The following EYA1 variants were observed in gnomAD, a reference collection of about 807,000 sequenced individuals.
EYA1 encodes the protein EYA transcriptional coactivator and phosphatase 1.
In EYA1, 16 loss-of-function variants were observed where a neutral mutation model predicts 82.0. That is an observed-to-expected ratio of 0.20 (90% CI 0.13 to 0.30). The LOEUF is 0.30. Among genes scored for constraint, EYA1 ranks in the 10% least tolerant of loss-of-function variants. EYA1 has a pLI of 1.00. For missense variants in EYA1, 633 were observed against 730.7 expected, an observed-to-expected ratio of 0.87 and a Z score of 1.54; for synonymous variants, 261 against 264.4, an observed-to-expected ratio of 0.99 and a Z score of 0.12.
At chr8:71,270,886 G>A (rs1441517386) in intron 10 of EYA1, among the ~76,000 whole-genome samples, 2 of 152,122 alleles carry the variant, frequency 1.3e-5, no homozygotes, top group Non-Finnish European at 2.9e-5. Flanking sequence ...TTGGGAGGCC[G>A]AGGTGGGTGG....
intron 2 of EYA1, among the ~76,000 whole-genome samples, chr8:71,454,476 GCAC>G (rs1208608223): frequency 6.6e-6 from 1 of 152,166 alleles, no homozygotes; most frequent in Non-Finnish European, 1.5e-5. Flanking sequence ...ATTCTTCTCA[GCAC>G]CACATCACAC....
At chr8:71,406,434 G>C (rs193271468) in intron 2 of EYA1, among the ~76,000 whole-genome samples, 1 of 152,356 alleles carries the variant, frequency 6.6e-6, no homozygotes, top group African/African-American at 2.4e-5. Context: ...GCAGAAGACA[G>C]GTGATTTCTG....
intron 2 of EYA1, among the ~76,000 whole-genome samples, chr8:71,400,423 G>T (rs1444898371): frequency 6.6e-6 from 1 of 151,822 alleles, no homozygotes; most frequent in Non-Finnish European, 1.5e-5. Flanking sequence ...TATCCAGAAG[G>T]TACAAGGAAC....
rs554780813 is a variant in EYA1 at position 71,523,493 on chromosome 8, T to A, written c.33+12251A>T. On this transcript the variant is annotated intron_variant, in intron 2 of 18. Coordinates refer to the EYA1 transcript ENST00000643681. ...GCGCCCGGCCAAAAATCTATTCAGCTCTTATTGGCAGTGAAGGTGAAAGCC... is the reference window on the plus strand; with the variant it reads ...GCGCCCGGCCAAAAATCTATTCAGCACTTATTGGCAGTGAAGGTGAAAGCC... Among the ~76,000 whole-genome samples, 20 of 152,274 alleles carry A rather than the reference T, an allele frequency of 1.3e-4. No individual in the cohort carries two copies. The South Asian group carries it at 4.1e-3, about 32-fold the overall frequency.
rs1001239463 is a variant in EYA1, at chr8:71,354,999, A to G, written c.-4-90T>C. ...TAATGACTTGACACCTTTGAAACAC[A>G]CTTGCACAAAAGTCCCATTGTATCT... On this transcript the variant is annotated intron_variant, in intron 2 of 17. Transcript: ENST00000340726. 5.4e-6 allele frequency: 7 copies of G among 1,303,250 alleles called. No individual in the cohort carries two copies. The African/African-American group carries it at 1.0e-4, about 19-fold the overall frequency. The allele number at this position is 1,303,250 out of a possible 1,614,324, so 80.7% of individuals were successfully genotyped here.
intron 4 of EYA1, among the ~76,000 whole-genome samples, chr8:71,330,667 C>T (rs761304779): frequency 6.2e-4 from 94 of 152,298 alleles, no homozygotes; most frequent in Non-Finnish European, 1.1e-3. Context: ...CCAGCAGGGA[C>T]AAGGATAAAG....
intron 2 of EYA1, among the ~76,000 whole-genome samples, chr8:71,438,505 A>G (rs923391037): frequency 5.3e-5 from 8 of 152,156 alleles, no homozygotes; most frequent in Admixed American, 4.6e-4. Flanking sequence ...GATTTCGTAG[A>G]AGAATTACAG....
At chr8:71,244,726 AT>A in intron 11 of EYA1, 34 bp from the exon 12 acceptor site, 2 of 1,243,822 alleles carry the variant, frequency 1.6e-6, no homozygotes, top group Non-Finnish European at 2.4e-6. Context: ...AAGAACATGT[AT>A]ACTTCAGGTT....
At chr8:71,308,912 C>T (rs1270681403) in intron 7 of EYA1, among the ~76,000 whole-genome samples, 1 of 152,118 alleles carries the variant, frequency 6.6e-6, no homozygotes, top group Non-Finnish European at 1.5e-5. Flanking sequence ...CGTGTATTTT[C>T]ACAGAAGTCC....
chr8:71,421,166 G>T (rs1831128170), intron 2 of EYA1, among the ~76,000 whole-genome samples: 1 of 152,122 alleles, frequency 6.6e-6, no homozygotes, highest in Non-Finnish European at 1.5e-5. Flanking sequence ...TTTCATCAGG[G>T]ATAAAAAGAT....
At chr8:71,338,338 G>A (rs1159772532) in intron 3 of EYA1, among the ~76,000 whole-genome samples, 1 of 152,202 alleles carries the variant, frequency 6.6e-6, no homozygotes, top group Non-Finnish European at 1.5e-5. Flanking sequence ...GAAGAAACAG[G>A]CTAATAGAAG....
At chr8:71,509,980 G>T (rs970984530) in intron 2 of EYA1, among the ~76,000 whole-genome samples, 2 of 151,426 alleles carry the variant, frequency 1.3e-5, no homozygotes, top group Non-Finnish European at 2.9e-5. Flanking sequence ...GATGGTAATG[G>T]TATTTTTAGA....
rs1236662288 is a variant in EYA1, at chr8:71,407,913, G to A, written c.34-51402C>T. Among the ~76,000 whole-genome samples the A allele has an allele frequency of 6.4e-3, 946 of 147,638 alleles. 5 individuals are homozygous for A. The highest frequency in any genetic ancestry group is 0.016 in the African/African-American group (635 of 39,898). ...CTTGAGAAGAGCAACTCCAAGACACGTAATTGTCAGATTCACCAAAGTTGA... is the reference window on the plus strand; with the variant it reads ...CTTGAGAAGAGCAACTCCAAGACACATAATTGTCAGATTCACCAAAGTTGA... On this transcript the variant is annotated intron_variant, in intron 2 of 18. Transcript: ENST00000643681.
chr8:71,525,151 A>G (rs1479937116), intron 2 of EYA1, among the ~76,000 whole-genome samples: 1 of 152,224 alleles, frequency 6.6e-6, no homozygotes, highest in African/African-American at 2.4e-5. Flanking sequence ...CTTGGGCAGC[A>G]GCTGAGTCAG....
intron 11 of EYA1, among the ~76,000 whole-genome samples, chr8:71,266,279 T>C (rs1488176098): frequency 1.3e-5 from 2 of 152,144 alleles, no homozygotes; most frequent in Non-Finnish European, 2.9e-5. Flanking sequence ...AAAAGAAGTC[T>C]TGTCACTGAA....
At chr8:71,444,138 C>T (rs563008182) in intron 2 of EYA1, among the ~76,000 whole-genome samples, 1 of 152,298 alleles carries the variant, frequency 6.6e-6, no homozygotes, top group East Asian at 1.9e-4. Flanking sequence ...GCACAGATAA[C>T]CTCTATCCAA....
rs527820538 is a variant in EYA1, at chr8:71,354,169, A to G, written c.124+613T>C. Among the ~76,000 whole-genome samples the G allele has an allele frequency of 6.6e-5, 10 of 152,236 alleles. No individual in the cohort carries two copies. The South Asian group carries it at 2.1e-3, about 32-fold the overall frequency. On this transcript the variant is annotated intron_variant, in intron 3 of 17. Coordinates refer to ENST00000340726, the MANE Select transcript of EYA1 (RefSeq NM_000503.6). ...TCATATGTATTAATTACACAGAAAT[A>G]ATTGTAATTGTTCTACATTTAAAGT...
At chr8:71,301,746 G>C (rs1393615073) in intron 7 of EYA1, among the ~76,000 whole-genome samples, 1 of 152,118 alleles carries the variant, frequency 6.6e-6, no homozygotes, top group African/African-American at 2.4e-5. Flanking sequence ...ACCACAATTA[G>C]CCATCAATAG....
intron 9 of EYA1, among the ~76,000 whole-genome samples, chr8:71,289,329 T>C (rs1320342408): frequency 6.6e-6 from 1 of 152,226 alleles, no homozygotes; most frequent in African/African-American, 2.4e-5. Flanking sequence ...CAGTGAATAC[T>C]TATGACATAA....
Sources: gnomAD v4.1 joint callset for allele counts (sites outside exome capture counted in the v4.1 genomes callset) on GRCh38, gnomAD v4.1.1 for gene constraint, MANE v1.5 for transcripts, NCBI Gene and HGNC (gene_info 2026-07-23, HGNC 2026-07-21) for gene names.